SH3RF3: variants seen among roughly 807,000 people sequenced by gnomAD.
SH3RF3 encodes the protein E3 ubiquitin-protein ligase SH3RF3.
Under a neutral mutation model 66.3 loss-of-function variants are expected in SH3RF3, and 29 were observed. That is an observed-to-expected ratio of 0.44 (90% CI 0.33 to 0.60). SH3RF3 has a LOEUF of 0.60. SH3RF3 is among the 20% of genes least tolerant of loss of function. The pLI, the probability that SH3RF3 is intolerant of heterozygous loss-of-function variation, is 0.04. For synonymous variants in SH3RF3, 583 were observed against 532.0 expected (o/e 1.10, Z -1.32); for missense variants, 1,194 against 1,190.9 (o/e 1.00, Z -0.04).
intron 1 of SH3RF3, chr2:109,313,538 C>T (rs1273171437): frequency 6.5e-6 from 1 of 154,890 alleles, no homozygotes; most frequent in Non-Finnish European, 1.5e-5. Flanking sequence ...TGGTCTTAAG[C>T]ATCACTGAGG....
intron 1 of SH3RF3, among the ~76,000 whole-genome samples, chr2:109,265,672 T>A (rs1680472864): frequency 1.3e-5 from 2 of 152,190 alleles, no homozygotes; most frequent in Non-Finnish European, 2.9e-5. Context: ...TTGATTTGGG[T>A]TGAATTTATA....
At chr2:109,133,683 A>C (rs1676748492) in intron 1 of SH3RF3, among the ~76,000 whole-genome samples, 1 of 149,728 alleles carries the variant, frequency 6.7e-6, no homozygotes, top group Non-Finnish European at 1.5e-5. Flanking sequence ...TTAGTGTTTG[A>C]GTCTTTCATA....
intron 1 of SH3RF3, among the ~76,000 whole-genome samples, chr2:109,332,290 T>G (rs570617052): frequency 9.2e-5 from 14 of 152,222 alleles, no homozygotes; most frequent in African/African-American, 3.1e-4. Context: ...GCACGCCAAC[T>G]CTCTCCTGAG....
At chr2:109,331,764 T>C (rs940742451) in intron 1 of SH3RF3, among the ~76,000 whole-genome samples, 18 of 152,230 alleles carry the variant, frequency 1.2e-4, no homozygotes, top group Admixed American at 2.0e-4. Context: ...CAATAAGTAC[T>C]TGGTGACTGA....
At chr2:109,317,892 T>C (rs1399243827) in intron 1 of SH3RF3, among the ~76,000 whole-genome samples, 1 of 140,604 alleles carries the variant, frequency 7.1e-6, no homozygotes, top group Non-Finnish European at 1.6e-5. Context: ...AGGAAAGATG[T>C]ATGTGGCCAG....
At chr2:109,368,328 C>T (rs187473038) in intron 2 of SH3RF3, among the ~76,000 whole-genome samples, 8 of 152,316 alleles carry the variant, frequency 5.3e-5, no homozygotes, top group East Asian at 1.9e-4. Flanking sequence ...CCTTGAAATA[C>T]ATTCCCCAGT....
In SH3RF3 at chr2:109,129,585, C is replaced by T. The variant is rs1338719720; in HGVS notation, c.45C>T (p.Ala15=). 6.8e-7 allele frequency: 1 copy of T among 1,480,660 alleles called. No individual in the cohort carries two copies. The highest frequency in any genetic ancestry group is 1.5e-5 in the African/African-American group (1 of 68,034). 91.7% of individuals were successfully genotyped at this position (1,480,660 alleles called of 1,614,324 possible). The change falls in exon 1 of 10, where the codon GCC becomes GCT. Residue 15 remains alanine, a synonymous_variant. Transcript: ENST00000309415. ...ASWLCASKAA[A]AAAQSEGDED... ...GGCTGTGCGCATCCAAGGCGGCCGCCGCTGCTGCGCAGAGCGAGGGCGACG... is the reference window on the plus strand; with the variant it reads ...GGCTGTGCGCATCCAAGGCGGCCGCTGCTGCTGCGCAGAGCGAGGGCGACG...
intron 1 of SH3RF3, among the ~76,000 whole-genome samples, chr2:109,148,713 G>A (rs912427750): frequency 1.3e-5 from 2 of 152,234 alleles, no homozygotes; most frequent in African/African-American, 4.8e-5. Flanking sequence ...GAAGCAGAGC[G>A]TAATGTGTAG....
chr2:109,202,048 C>G (rs6754969), intron 1 of SH3RF3, among the ~76,000 whole-genome samples: 115,177 of 151,542 alleles, frequency 0.76, 44,039 homozygotes, highest in Middle Eastern at 0.82. Context: ...TGGAGCCTGG[C>G]TGGGTCTCGT....
intron 4 of SH3RF3, among the ~76,000 whole-genome samples, chr2:109,403,965 G>C (rs1056707592): frequency 1.3e-5 from 2 of 152,218 alleles, no homozygotes; most frequent in Non-Finnish European, 2.9e-5. Context: ...AGTGTTGGCT[G>C]TGGTGGCTCT....
At chr2:109,375,470 C>T (rs1683360922) in intron 3 of SH3RF3, among the ~76,000 whole-genome samples, 1 of 152,214 alleles carries the variant, frequency 6.6e-6, no homozygotes, top group African/African-American at 2.4e-5. Context: ...GGCCTCTCAC[C>T]CTCTGGAACT....
chr2:109,406,318 T>A (rs1459535085), intron 4 of SH3RF3, among the ~76,000 whole-genome samples: 1 of 152,126 alleles, frequency 6.6e-6, no homozygotes, highest in Non-Finnish European at 1.5e-5. Context: ...TTGCTTACAT[T>A]TTAGAAAAAT....
intron 8 of SH3RF3, among the ~76,000 whole-genome samples, chr2:109,484,793 C>T (rs890372863): frequency 5.3e-5 from 8 of 152,176 alleles, no homozygotes; most frequent in Admixed American, 2.6e-4. Context: ...TATCAACAGT[C>T]GAGGCCCTGT....
chr2:109,376,872 T>C (rs1683400013), intron 3 of SH3RF3, among the ~76,000 whole-genome samples: 2 of 152,224 alleles, frequency 1.3e-5, no homozygotes, highest in Non-Finnish European at 1.5e-5. Context: ...CCTTCCTTTG[T>C]TCCCCTAAGT....
intron 5 of SH3RF3, among the ~76,000 whole-genome samples, chr2:109,425,540 T>TC (rs1677004426): frequency 1.3e-5 from 2 of 152,218 alleles, no homozygotes; most frequent in South Asian, 4.1e-4. Flanking sequence ...AAGCCAGTGT[T>TC]CATTTGCCAT....
chr2:109,314,206 A>G (rs1052488965), intron 1 of SH3RF3, among the ~76,000 whole-genome samples: 10 of 152,166 alleles, frequency 6.6e-5, no homozygotes, highest in African/African-American at 2.4e-4. Context: ...AGATGGGGGC[A>G]CCAGAACCAT....
At position 109,201,705 on chromosome 2, in the gene SH3RF3, G is replaced by A. The variant is rs987583660; in HGVS notation, c.573+71592G>A. Among the ~76,000 whole-genome samples the A allele has an allele frequency of 6.6e-5, 10 of 152,344 alleles. 1 individual carries two copies. In the South Asian group the frequency reaches 1.0e-3, roughly 16 times the overall value. On this transcript the variant is annotated intron_variant, in intron 1 of 9. Coordinates refer to ENST00000309415, the MANE Select transcript of SH3RF3 (RefSeq NM_001099289.3). Reference sequence around the variant, plus strand: ...CCGTCAGCAGCATGGGAAACGCTGCGCCTTGCATGGAGAGCCACGTACAGC... The same window carrying A: ...CCGTCAGCAGCATGGGAAACGCTGCACCTTGCATGGAGAGCCACGTACAGC...
At chr2:109,454,198 C>G (rs1023365073) in intron 8 of SH3RF3, among the ~76,000 whole-genome samples, 1 of 152,214 alleles carries the variant, frequency 6.6e-6, no homozygotes, top group African/African-American at 2.4e-5. Flanking sequence ...GAAATACTTA[C>G]AACAATTACA....
At chr2:109,258,854 TG>T (rs1680285243) in intron 1 of SH3RF3, among the ~76,000 whole-genome samples, 1 of 152,236 alleles carries the variant, frequency 6.6e-6, no homozygotes, top group Non-Finnish European at 1.5e-5. Context: ...CTGATGTCCT[TG>T]GCTGTGCTGG....
Sources: gnomAD v4.1 joint callset for allele counts (sites outside exome capture counted in the v4.1 genomes callset) on GRCh38, gnomAD v4.1.1 for gene constraint, MANE v1.5 for transcripts, NCBI Gene and HGNC (gene_info 2026-07-23, HGNC 2026-07-21) for gene names.